Variants in XKR4 observed in about 807,000 individuals in gnomAD.
XKR4 encodes the protein XK-related protein 4.
Under a neutral mutation model 53.9 loss-of-function variants are expected in XKR4, and 12 were observed. That is an observed-to-expected ratio of 0.22 (90% confidence interval 0.14 to 0.36). XKR4 has a LOEUF of 0.36. Ranked by LOEUF, XKR4 falls within the 10% of genes least tolerant of loss-of-function variation. The probability of loss-of-function intolerance (pLI) is 1.00; values close to 1 mark genes in which losing one functional copy is unlikely to be tolerated. For missense variants in XKR4, 799 were observed against 859.5 expected (o/e 0.93, Z 0.88); for synonymous variants, 354 against 362.4 (o/e 0.98, Z 0.26).
At chr8:55,472,271 CTG>C (rs1773591564) in intron 2 of XKR4, among the ~76,000 whole-genome samples, 1 of 152,082 alleles carries the variant, frequency 6.6e-6, no homozygotes. Flanking sequence ...TGATAATCAT[CTG>C]TGTGTCTGTA....
At chr8:55,274,032 C>T (rs184122731) in intron 1 of XKR4, among the ~76,000 whole-genome samples, 4 of 152,336 alleles carry the variant, frequency 2.6e-5, no homozygotes, top group Admixed American at 1.3e-4. Context: ...TGTCCAGAGT[C>T]ATTTCATTCA....
intron 1 of XKR4, among the ~76,000 whole-genome samples, chr8:55,327,825 A>G (rs748424466): frequency 2.0e-5 from 3 of 152,216 alleles, no homozygotes; most frequent in Non-Finnish European, 4.4e-5. Context: ...CATGGAGAAA[A>G]ATAAAGTCTG....
At chr8:55,112,592 G>GTTTTTTTT (rs1563459297) in intron 1 of XKR4, among the ~76,000 whole-genome samples, 57 of 114,040 alleles carry the variant, frequency 5.0e-4, no homozygotes, top group East Asian at 8.0e-4. Flanking sequence ...TTTTTTTAGG[G>GTTTTTTTT]AGCAGAGAGT....
At chr8:55,396,512 A>G (rs184336083) in intron 2 of XKR4, among the ~76,000 whole-genome samples, 1 of 144,682 alleles carries the variant, frequency 6.9e-6, no homozygotes, top group East Asian at 2.1e-4. Context: ...GAATGTCACC[A>G]GAGTCCCCAA....
At chr8:55,414,912 C>A (rs559959745) in intron 2 of XKR4, among the ~76,000 whole-genome samples, 1 of 152,310 alleles carries the variant, frequency 6.6e-6, no homozygotes, top group Non-Finnish European at 1.5e-5. Context: ...ACATTTTCTA[C>A]ACATTCATTT....
At chr8:55,457,146 C>CTTTTTTTTTTTTTTTT (rs1554527639) in intron 2 of XKR4, among the ~76,000 whole-genome samples, 1 of 137,264 alleles carries the variant, frequency 7.3e-6, no homozygotes, top group African/African-American at 2.7e-5. Context: ...TTTTCCTTTT[C>CTTTTTTTTTTTTTTTT]TTTTTTTTTT....
intron 1 of XKR4, among the ~76,000 whole-genome samples, chr8:55,318,459 T>G (rs1803148409): frequency 1.3e-5 from 2 of 152,186 alleles, no homozygotes; most frequent in Middle Eastern, 3.2e-3. Context: ...TTGACCTCAG[T>G]GCCTCTTCTC....
intron 1 of XKR4, chr8:55,140,279 G>A (rs1816685293): frequency 3.6e-6 from 1 of 278,614 alleles, no homozygotes; most frequent in African/African-American, 2.3e-5. Context: ...AGGGAAGTGT[G>A]ACAATTCAGG....
chr8:55,352,250 G>C (rs1023759302), intron 1 of XKR4, among the ~76,000 whole-genome samples: 2 of 152,240 alleles, frequency 1.3e-5, no homozygotes, highest in African/African-American at 4.8e-5. Context: ...AGAGATTCCA[G>C]CGTGATAAGG....
intron 1 of XKR4, among the ~76,000 whole-genome samples, chr8:55,348,980 CAG>C (rs1803690719): frequency 6.6e-6 from 1 of 152,172 alleles, no homozygotes; most frequent in African/African-American, 2.4e-5. Context: ...CCACACAAAT[CAG>C]AGTCTCAAGA....
rs772433008 is a variant in XKR4, at chr8:55,524,042, A to G, written c.1768A>G (p.Ile590Val). The G allele has an allele frequency of 6.2e-7, 1 of 1,614,168 alleles. No individual in the cohort carries two copies. Among genetic ancestry groups the G allele is most frequent in the South Asian group, 1.1e-5 (1 of 91,082 alleles). ...CACCCCATCATCTCGCCCACCACGG[A>G]TTGAAGAATCAGTCATTAAAATTGA... ...PSTPSSRPPR[I>V]EESVIKIDLF... The change falls in exon 3 of 3, where the codon ATT (isoleucine) becomes GTT (valine). Residue 590 changes from isoleucine to valine, a missense_variant. Ile to Val is a conservative substitution (Grantham distance 29). Around this residue, in one of 3 missense-constraint regions of XKR4, gnomAD observed 269 missense variants for 264.4 expected, o/e 1.02. Transcript: ENST00000327381.
intron 2 of XKR4, among the ~76,000 whole-genome samples, chr8:55,434,073 T>A (rs1805139977): frequency 6.6e-6 from 1 of 151,980 alleles, no homozygotes; most frequent in Non-Finnish European, 1.5e-5. Flanking sequence ...CAGAGAAAAA[T>A]CAAGTTCAAG....
chr8:55,419,083 A>G (rs1054669898), intron 2 of XKR4, among the ~76,000 whole-genome samples: 1 of 152,006 alleles, frequency 6.6e-6, no homozygotes, highest in Non-Finnish European at 1.5e-5. Context: ...TCGAATAAAG[A>G]GCATGAAAAC....
At chr8:55,227,795 G>A (rs1817975764) in intron 1 of XKR4, among the ~76,000 whole-genome samples, 1 of 152,234 alleles carries the variant, frequency 6.6e-6, no homozygotes, top group Admixed American at 6.5e-5. Flanking sequence ...GCAGCCCAGG[G>A]ACTGCTCCCT....
chr8:55,298,316 C>T (rs1397160027), intron 1 of XKR4, among the ~76,000 whole-genome samples: 1 of 152,134 alleles, frequency 6.6e-6, no homozygotes, highest in African/African-American at 2.4e-5. Flanking sequence ...AAATTGAATA[C>T]ATTGCCTGTG....
At chr8:55,422,995 T>G (rs1804958070) in intron 2 of XKR4, among the ~76,000 whole-genome samples, 1 of 152,194 alleles carries the variant, frequency 6.6e-6, no homozygotes, top group Admixed American at 6.5e-5. Context: ...TGACATTAAG[T>G]CTAAGACAAT....
chr8:55,540,831 T>C lies in XKR4; in HGVS notation c.*16604T>C, dbSNP rs965609540. 3 of 152,216 alleles carry C rather than the reference T, an allele frequency of 2.0e-5. No homozygotes were observed. Among genetic ancestry groups the C allele is most frequent in the Non-Finnish European group, 2.9e-5 (2 of 68,042 alleles). The allele number at this position is 152,216 out of a possible 1,614,324, so 9.4% of individuals were successfully genotyped here. The stretch of plus-strand genomic sequence containing the variant: ...TGATAATTAATGCCATTTTACATGA[T>C]AGCTTCAATGCAGAAATGGTGTGAG... On this transcript the variant is annotated 3_prime_UTR_variant, in exon 3 of 3. Transcript: ENST00000327381.
At chr8:55,155,275 GAAC>G (rs1816888580) in intron 1 of XKR4, among the ~76,000 whole-genome samples, 1 of 152,158 alleles carries the variant, frequency 6.6e-6, no homozygotes, top group African/African-American at 2.4e-5. Flanking sequence ...AGAAGAAAAT[GAAC>G]AACGCTGGTG....
At chr8:55,312,984 T>C (rs566655303) in intron 1 of XKR4, among the ~76,000 whole-genome samples, 1 of 152,342 alleles carries the variant, frequency 6.6e-6, no homozygotes, top group South Asian at 2.1e-4. Context: ...AGTTTTTTCT[T>C]AAGGAACTTC....
Sources: allele counts gnomAD v4.1 joint callset (sites outside exome capture counted in the v4.1 genomes callset), GRCh38; gene constraint gnomAD v4.1.1; regional missense constraint gnomAD v4.1.1; transcripts MANE v1.5; gene names NCBI Gene and HGNC (gene_info 2026-07-23, HGNC 2026-07-21).